The following TENM3 variants were observed in gnomAD, a reference collection of about 807,000 sequenced individuals.
The protein encoded by TENM3 is teneurin-3.
Under a neutral mutation model 255.1 loss-of-function variants are expected in TENM3, and 63 were observed. That is an observed-to-expected ratio of 0.25 (90% CI 0.20 to 0.30). TENM3 has a LOEUF of 0.30. Among genes scored for constraint, TENM3 ranks in the 10% least tolerant of loss-of-function variants. The probability of loss-of-function intolerance (pLI) is 1.00; values close to 1 mark genes in which losing one functional copy is unlikely to be tolerated. For synonymous variants in TENM3, 1,306 were observed against 1,322.3 expected (o/e 0.99, Z 0.27); for missense variants, 2,929 against 3,461.1 (o/e 0.85, Z 3.86).
intron 3 of TENM3, among the ~76,000 whole-genome samples, chr4:182,390,054 C>T (rs1768318959): frequency 6.6e-6 from 1 of 152,084 alleles, no homozygotes; most frequent in Non-Finnish European, 1.5e-5. Flanking sequence ...ACATAGCCCA[C>T]CTCCCTCAGT....
chr4:182,421,808 C>T (rs576765821), intron 3 of TENM3, among the ~76,000 whole-genome samples: 5 of 152,284 alleles, frequency 3.3e-5, no homozygotes, highest in African/African-American at 1.2e-4. Flanking sequence ...TGATTTGCAA[C>T]TTAGTCCATA....
At chr4:182,675,685 G>T (rs905263794) in intron 7 of TENM3, among the ~76,000 whole-genome samples, 2 of 152,166 alleles carry the variant, frequency 1.3e-5, no homozygotes, top group East Asian at 3.8e-4. Flanking sequence ...GATTATTTGT[G>T]TATAATTCAA....
intron 4 of TENM3, among the ~76,000 whole-genome samples, chr4:182,611,032 C>T (rs981592117): frequency 2.0e-5 from 3 of 151,898 alleles, no homozygotes; most frequent in Non-Finnish European, 4.4e-5. Context: ...TAGGCATGAG[C>T]CATCACATCT....
intron 1 of TENM3, among the ~76,000 whole-genome samples, chr4:182,205,717 A>C (rs1027315048): frequency 6.6e-6 from 1 of 152,150 alleles, no homozygotes. Flanking sequence ...GTATTTATCT[A>C]TTTGCAAATT....
At chr4:182,376,999 C>T (rs1362250799) in intron 3 of TENM3, among the ~76,000 whole-genome samples, 3 of 152,062 alleles carry the variant, frequency 2.0e-5, no homozygotes, top group African/African-American at 4.8e-5. Context: ...AATAGCAACC[C>T]CGGAATACTC....
the TENM3 span, among the ~76,000 whole-genome samples, chr4:181,547,857 G>T: frequency 6.6e-6 from 1 of 151,426 alleles, no homozygotes; most frequent in East Asian, 1.9e-4. Flanking sequence ...TGCACAATGT[G>T]CAGGTTTGTT....
At position 182,729,101 on chromosome 4, in the gene TENM3, A is replaced by G. The variant is rs1339600061; in HGVS notation, c.2505A>G (p.Lys835=). The change falls in exon 14 of 28, where the codon AAA becomes AAG. Residue 835 remains lysine, a synonymous_variant. Transcript: ENST00000511685. The part of the protein sequence containing the change: ...SLQSPSQQAA[K]SFYDRISFLI... ...AATCGCCTTCTCAGCAAGCTGCCAA[A>G]TCCTTTTATGATCGAATCAGTTTCC... 1 of 1,614,000 alleles carries G rather than the reference A, an allele frequency of 6.2e-7. No individual in the cohort carries two copies. Among genetic ancestry groups the G allele is most frequent in the Non-Finnish European group, 8.5e-7 (1 of 1,179,904 alleles).
intron 3 of TENM3, among the ~76,000 whole-genome samples, chr4:182,599,493 G>A (rs1747623215): frequency 6.6e-6 from 1 of 152,094 alleles, no homozygotes; most frequent in South Asian, 2.1e-4. Context: ...CATTACAAGA[G>A]TGAGAAATTA....
At chr4:181,551,836 ATATGTGTGTGTGTGTGTGTG>A in the TENM3 span, among the ~76,000 whole-genome samples, 2 of 20,382 alleles carry the variant, frequency 9.8e-5, no homozygotes, top group African/African-American at 3.3e-4. Context: ...ATATATATGT[ATATGTGTGTGTGTGTGTGTG>A]TGTGTGTGTG....
chr4:182,618,514 C>T (rs1418021486), intron 4 of TENM3, among the ~76,000 whole-genome samples: 2 of 151,498 alleles, frequency 1.3e-5, no homozygotes, highest in Non-Finnish European at 2.9e-5. Flanking sequence ...TATCTTGCCA[C>T]TAAAAATCTT....
At chr4:182,014,262 A>C in the TENM3 span, among the ~76,000 whole-genome samples, 1 of 151,658 alleles carries the variant, frequency 6.6e-6, no homozygotes, top group African/African-American at 2.4e-5. Flanking sequence ...GTGCTAACAC[A>C]CTGGGGAGCT....
intron 3 of TENM3, among the ~76,000 whole-genome samples, chr4:182,381,712 C>T (rs944982174): frequency 7.9e-5 from 12 of 152,094 alleles, no homozygotes; most frequent in African/African-American, 2.4e-4. Flanking sequence ...CGGGCCTGCA[C>T]CACCACGCCC....
chr4:182,571,435 A>G (rs959125144), intron 3 of TENM3, among the ~76,000 whole-genome samples: 3 of 152,134 alleles, frequency 2.0e-5, no homozygotes, highest in Non-Finnish European at 4.4e-5. Context: ...CTGAGGTGGG[A>G]GGATGGCTTG....
chr4:182,779,774 CATT>C (rs1206667283), intron 24 of TENM3, among the ~76,000 whole-genome samples: 2 of 152,180 alleles, frequency 1.3e-5, no homozygotes, highest in African/African-American at 4.8e-5. Context: ...GATGGTATCT[CATT>C]GTGGTTTTGA....
At chr4:181,468,132 C>CCAAAAAAAAA in the TENM3 span, among the ~76,000 whole-genome samples, 218 of 130,692 alleles carry the variant, frequency 1.7e-3, 14 homozygotes, top group African/African-American at 4.1e-3. Context: ...CCCATCTGTA[C>CCAAAAAAAAA]AAAAAAAAAA....
the TENM3 span, among the ~76,000 whole-genome samples, chr4:181,688,977 C>A: frequency 1.3e-5 from 2 of 152,170 alleles, no homozygotes; most frequent in African/African-American, 4.8e-5. Flanking sequence ...AATAATCTCT[C>A]CCCCATTCAC....
the TENM3 span, among the ~76,000 whole-genome samples, chr4:181,691,247 G>A: frequency 6.6e-6 from 1 of 152,028 alleles, no homozygotes; most frequent in Non-Finnish European, 1.5e-5. Context: ...GTGTGTGTGT[G>A]TGTGTGTGTA....
chr4:181,970,101 C>G, the TENM3 span, among the ~76,000 whole-genome samples: 1 of 152,146 alleles, frequency 6.6e-6, no homozygotes, highest in African/African-American at 2.4e-5. Flanking sequence ...CAGAAAACAA[C>G]TTCATCTCAA....
chr4:181,832,435 T>C, the TENM3 span, among the ~76,000 whole-genome samples: 1 of 152,154 alleles, frequency 6.6e-6, no homozygotes, highest in Non-Finnish European at 1.5e-5. Flanking sequence ...CTCGCCAAAA[T>C]GGCAACACGG....
Sources: allele counts gnomAD v4.1 joint callset (sites outside exome capture counted in the v4.1 genomes callset), GRCh38; gene constraint gnomAD v4.1.1; transcripts MANE v1.5; gene names NCBI Gene and HGNC (gene_info 2026-07-23, HGNC 2026-07-21).